The following WNT7A variants were observed in gnomAD, a reference collection of about 807,000 sequenced individuals.
WNT7A encodes the protein protein Wnt-7a.
A neutral mutation model predicts 28.2 loss-of-function variants in WNT7A; 16 were observed. The observed-to-expected ratio is 0.57, with a 90% CI of 0.38 to 0.86. The LOEUF is 0.86. Ranked by LOEUF, WNT7A falls within the 40% of genes least tolerant of loss-of-function variation. WNT7A has a pLI of 0.00. For synonymous variants in WNT7A, 190 were observed against 195.9 expected (o/e 0.97, Z 0.25); for missense variants, 411 against 489.7 (o/e 0.84, Z 1.52).
At chr3:13,872,347 C>T (rs567595230) in intron 2 of WNT7A, among the ~76,000 whole-genome samples, 4 of 152,212 alleles carry the variant, frequency 2.6e-5, no homozygotes, top group Admixed American at 2.6e-4. Context: ...TGTATATCAA[C>T]ATATATTATG....
intron 3 of WNT7A, among the ~76,000 whole-genome samples, chr3:13,849,297 C>T (rs561170439): frequency 6.6e-6 from 1 of 152,208 alleles, no homozygotes; most frequent in Non-Finnish European, 1.5e-5. Flanking sequence ...TCAATATCAG[C>T]TCAATTCAAA....
At chr3:13,848,862 G>T (rs1056105303) in intron 3 of WNT7A, among the ~76,000 whole-genome samples, 1 of 152,154 alleles carries the variant, frequency 6.6e-6, no homozygotes, top group African/African-American at 2.4e-5. Flanking sequence ...TTCAAGAGGT[G>T]AATGGCAAAA....
intron 3 of WNT7A, among the ~76,000 whole-genome samples, chr3:13,837,312 G>A (rs2124841887): frequency 6.6e-6 from 1 of 152,154 alleles, no homozygotes; most frequent in African/African-American, 2.4e-5. Context: ...GCAACGTAAA[G>A]CCACCCTGGA....
At chr3:13,871,098 C>G (rs900891540) in intron 2 of WNT7A, among the ~76,000 whole-genome samples, 2 of 152,240 alleles carry the variant, frequency 1.3e-5, no homozygotes, top group Non-Finnish European at 2.9e-5. Flanking sequence ...CCCAGCTTCC[C>G]TTGCAGCTAG....
At chr3:13,854,869 C>T in intron 2 of WNT7A, 66 bp from the exon 3 acceptor site, 1 of 1,598,840 alleles carries the variant, frequency 6.3e-7, no homozygotes, top group African/African-American at 1.3e-5. Flanking sequence ...GGAGGCTGGG[C>T]CTGACTGAAG....
At chr3:13,852,689 C>T (rs1344502661) in intron 3 of WNT7A, among the ~76,000 whole-genome samples, 1 of 152,262 alleles carries the variant, frequency 6.6e-6, no homozygotes, top group East Asian at 1.9e-4. Context: ...AAGACCACCT[C>T]ACCGTGCTCT....
intron 3 of WNT7A, among the ~76,000 whole-genome samples, chr3:13,837,828 AC>A (rs1272423516): frequency 3.3e-5 from 5 of 152,142 alleles, no homozygotes; most frequent in Non-Finnish European, 7.4e-5. Flanking sequence ...GTGGCCAGCT[AC>A]CAAAGAAGCC....
At chr3:13,843,270 C>A (rs1173481111) in intron 3 of WNT7A, among the ~76,000 whole-genome samples, 1 of 152,204 alleles carries the variant, frequency 6.6e-6, no homozygotes, top group Middle Eastern at 3.2e-3. Context: ...ATATTCATAA[C>A]AGCAATGACT....
At chr3:13,851,262 A>C (rs1304037305) in intron 3 of WNT7A, among the ~76,000 whole-genome samples, 1 of 152,148 alleles carries the variant, frequency 6.6e-6, no homozygotes, top group African/African-American at 2.4e-5. Context: ...CTGGCCTAAG[A>C]CAAAGTCCCA....
chr3:13,873,388 G>A (rs989561654), intron 2 of WNT7A, among the ~76,000 whole-genome samples: 3 of 151,948 alleles, frequency 2.0e-5, no homozygotes, highest in South Asian at 2.1e-4. Context: ...CACCTCTGTC[G>A]ATAAACTATT....
Position 13,847,551 on chromosome 3 carries a change from C to T in WNT7A, c.570+6981G>A, listed in dbSNP as rs191853924. 5.7e-4 allele frequency among the ~76,000 whole-genome samples: 87 copies of T among 152,302 alleles called. 1 individual carries two copies. Among genetic ancestry groups the T allele is most frequent in the African/African-American group, 1.9e-3 (79 of 41,564 alleles). ...TTCCTTGGCACTGTCCCGAGGCCAC[C>T]GTCCTTGACAGTGGAGGCTAGGGAG... is the stretch of plus-strand genomic sequence containing the variant. On this transcript the variant is annotated intron_variant, in intron 3 of 3. Transcript: ENST00000285018.
chr3:13,823,303 G>A (rs535203718), intron 3 of WNT7A, among the ~76,000 whole-genome samples: 1 of 152,308 alleles, frequency 6.6e-6, no homozygotes, highest in Admixed American at 6.5e-5. Context: ...AGGTCTGAGG[G>A]CTTTCAGGCT....
At chr3:13,831,888 C>T (rs1694283900) in intron 3 of WNT7A, among the ~76,000 whole-genome samples, 1 of 152,156 alleles carries the variant, frequency 6.6e-6, no homozygotes, top group South Asian at 2.1e-4. Context: ...GAGTCCCGCC[C>T]AGGACCTGTC....
chr3:13,831,969 C>A (rs1694285258), intron 3 of WNT7A, among the ~76,000 whole-genome samples: 1 of 152,122 alleles, frequency 6.6e-6, no homozygotes, highest in Non-Finnish European at 1.5e-5. Context: ...GGTCAGCGGG[C>A]AGGCAGCCTT....
chr3:13,872,752 G>A (rs902008743), intron 2 of WNT7A, among the ~76,000 whole-genome samples: 1 of 152,116 alleles, frequency 6.6e-6, no homozygotes, highest in Non-Finnish European at 1.5e-5. Context: ...CCTTGTCCAG[G>A]CACTGCCCTG....
chr3:13,832,630 A>G lies in WNT7A; in HGVS notation c.571-13207T>C, dbSNP rs371631576. On this transcript the variant is annotated intron_variant, in intron 3 of 3. Coordinates refer to ENST00000285018, the MANE Select transcript of WNT7A (RefSeq NM_004625.4). ...GCAGCTGTATACCTCTGGGCGACTCAGATGAAAGAGCAGAAAAAATGGCTT... is the reference window on the plus strand; with the variant it reads ...GCAGCTGTATACCTCTGGGCGACTCGGATGAAAGAGCAGAAAAAATGGCTT... Among the ~76,000 whole-genome samples, 12 of 151,120 alleles carry G rather than the reference A, an allele frequency of 7.9e-5. 1 individual carries two copies. The South Asian group carries it at 8.5e-4, about 11-fold the overall frequency.
At chr3:13,832,681 G>A (rs540251648) in intron 3 of WNT7A, among the ~76,000 whole-genome samples, 3 of 151,912 alleles carry the variant, frequency 2.0e-5, no homozygotes, top group Non-Finnish European at 4.4e-5. Context: ...AACATTTGAG[G>A]TATTTTCTTT....
intron 2 of WNT7A, among the ~76,000 whole-genome samples, chr3:13,866,928 G>A (rs376760614): frequency 9.8e-5 from 15 of 152,304 alleles, no homozygotes; most frequent in African/African-American, 3.1e-4. Flanking sequence ...TTTGAATCAG[G>A]AGGTGGTGGT....
intron 2 of WNT7A, among the ~76,000 whole-genome samples, chr3:13,861,366 T>C (rs1694829035): frequency 1.3e-5 from 2 of 152,244 alleles, no homozygotes; most frequent in Non-Finnish European, 2.9e-5. Context: ...AAGCCGTCTG[T>C]TCCTTCACTC....
Sources: gnomAD v4.1 joint callset for allele counts (sites outside exome capture counted in the v4.1 genomes callset) on GRCh38, gnomAD v4.1.1 for gene constraint, MANE v1.5 for transcripts, NCBI Gene and HGNC (gene_info 2026-07-23, HGNC 2026-07-21) for gene names.